The following FNDC1 variants were observed in gnomAD, a reference collection of about 807,000 sequenced individuals.
The protein encoded by FNDC1 is fibronectin type III domain containing 1, also known as fibronectin type III domain-containing protein 1.
Under a neutral mutation model 168.0 loss-of-function variants are expected in FNDC1, and 96 were observed. The ratio of observed to expected loss-of-function variants is 0.57; its 90% CI spans 0.48 to 0.68. FNDC1 has a LOEUF of 0.68. Among genes scored for constraint, FNDC1 ranks in the 30% least tolerant of loss-of-function variants. The pLI, the probability that FNDC1 is intolerant of heterozygous loss-of-function variation, is 0.00. For synonymous variants in FNDC1, 1,099 were observed against 1,025.9 expected (o/e 1.07, Z -1.36); for missense variants, 2,587 against 2,482.1 (o/e 1.04, Z -0.90).
Position 159,271,783 on chromosome 6 carries a change from G to T in FNDC1, c.*341G>T. 1 of 215,494 alleles carries T rather than the reference G, an allele frequency of 4.6e-6. No homozygotes were observed. The allele number at this position is 215,494 out of a possible 1,614,324, so 13.3% of individuals were successfully genotyped here. A position where few individuals can be genotyped will look rare whatever the true frequency, so the allele number is the denominator to read the frequency against. The stretch of plus-strand genomic sequence containing the variant: ...AATTCGGACACTTCAGTATTTCCAG[G>T]AATAGCATATGCACGCTGTTCTTGC... On this transcript the variant is annotated 3_prime_UTR_variant, in exon 23 of 23. Transcript: ENST00000297267.
rs145162479 is a variant in FNDC1 at position 159,269,530 on chromosome 6, C to T, written c.5569+1604C>T. Among the ~76,000 whole-genome samples, 1,084 of 148,202 alleles carry T rather than the reference C, an allele frequency of 7.3e-3. 18 individuals carry two copies. The highest frequency in any genetic ancestry group is 0.026 in the African/African-American group (1,025 of 40,168). ...TCCATCCATGCATCCATCCATCCAT[C>T]CATCCATCCATCCATCCATCCATCC... On this transcript the variant is annotated intron_variant, in intron 22 of 22. Transcript: ENST00000297267.
At chr6:159,236,688 T>G (rs1039924929) in intron 12 of FNDC1, among the ~76,000 whole-genome samples, 2 of 152,244 alleles carry the variant, frequency 1.3e-5, no homozygotes, top group South Asian at 2.1e-4. Flanking sequence ...GTTTTGTTTA[T>G]TGTTTGATTA....
chr6:159,216,935 C>A (rs1019414981), intron 5 of FNDC1, among the ~76,000 whole-genome samples: 2 of 152,146 alleles, frequency 1.3e-5, no homozygotes, highest in Non-Finnish European at 2.9e-5. Flanking sequence ...GGCCTCTTCC[C>A]TTATCTGGAG....
rs1782464370 is a variant in FNDC1, at chr6:159,205,329, C to T, written c.460+4748C>T. On this transcript the variant is annotated intron_variant, in intron 4 of 22. Transcript: ENST00000297267. Reference sequence around the variant, plus strand: ...AGACTTGTATTTTGGCCTTTTCTGTCAGTATTTCATCAAAATGAGCACCAA... The same window carrying T: ...AGACTTGTATTTTGGCCTTTTCTGTTAGTATTTCATCAAAATGAGCACCAA... 2.6e-5 allele frequency among the ~76,000 whole-genome samples: 4 copies of T among 152,274 alleles called. No individual in the cohort carries two copies. The South Asian group carries it at 8.3e-4, about 32-fold the overall frequency.
chr6:159,190,905 G>A (rs1018211301), intron 1 of FNDC1, among the ~76,000 whole-genome samples: 1 of 152,100 alleles, frequency 6.6e-6, no homozygotes, highest in Admixed American at 6.5e-5. Flanking sequence ...GTATCAGTTC[G>A]TTCTCACGCT....
intron 2 of FNDC1, among the ~76,000 whole-genome samples, chr6:159,199,741 T>TTACA (rs1196317657): frequency 6.6e-6 from 1 of 152,230 alleles, no homozygotes; most frequent in East Asian, 1.9e-4. Context: ...TCCAGGTTTA[T>TTACA]TACACATGGC....
intron 1 of FNDC1, among the ~76,000 whole-genome samples, chr6:159,174,260 C>T (rs1781718792): frequency 6.6e-6 from 1 of 152,232 alleles, no homozygotes; most frequent in Admixed American, 6.5e-5. Context: ...CTGTTTCATC[C>T]ATCTCTTTTA....
At chr6:159,250,256 T>G (rs1003390337) in intron 16 of FNDC1, among the ~76,000 whole-genome samples, 5 of 152,178 alleles carry the variant, frequency 3.3e-5, no homozygotes, top group Non-Finnish European at 7.3e-5. Flanking sequence ...TCAGACTAAT[T>G]TTTGGAAAAC....
intron 18 of FNDC1, among the ~76,000 whole-genome samples, chr6:159,257,249 G>A (rs571085732): frequency 9.2e-5 from 14 of 152,274 alleles, no homozygotes; most frequent in East Asian, 1.9e-4. Flanking sequence ...AATGACCCTC[G>A]GAAAGCTCCT....
chr6:159,176,231 A>G (rs947709911), intron 1 of FNDC1, among the ~76,000 whole-genome samples: 3 of 152,216 alleles, frequency 2.0e-5, no homozygotes, highest in African/African-American at 7.2e-5. Context: ...AGGGCCCCCC[A>G]GCTCTAACTT....
chr6:159,169,677 C>T lies in FNDC1; in HGVS notation c.81C>T (p.Leu27=). 1.7e-6 allele frequency: 2 copies of T among 1,163,100 alleles called. No individual in the cohort carries two copies. Among genetic ancestry groups the T allele is most frequent in the Non-Finnish European group, 2.1e-6 (2 of 944,330 alleles). 72.0% of individuals were successfully genotyped at this position (1,163,100 alleles called of 1,614,324 possible). A position where few individuals can be genotyped will look rare whatever the true frequency, so the allele number is the denominator to read the frequency against. ...CGCTGCTGCTCTTGGCCGCGCTGCTCCCCGTCGCCTCCTCGGCGGCGGCCT... is the reference window on the plus strand; with the variant it reads ...CGCTGCTGCTCTTGGCCGCGCTGCTTCCCGTCGCCTCCTCGGCGGCGGCCT... The part of the protein sequence containing the change: ...WAALLLLAAL[L]PVASSAAASV... The change falls in exon 1 of 23, where the codon CTC becomes CTT. Residue 27 remains leucine (L), a synonymous_variant. Transcript: ENST00000297267. This position sits in a 1 kb window ranked among gnomAD's most constrained non-coding sequence, Gnocchi z 6.8.
chr6:159,225,494 C>T (rs1389802908), intron 7 of FNDC1, 41 bp from the exon 8 acceptor site: 2 of 1,488,318 alleles, frequency 1.3e-6, no homozygotes, highest in East Asian at 2.3e-5. Flanking sequence ...TGTTGAGTGG[C>T]AGAGAATTTG....
chr6:159,219,063 C>T (rs2114972850), intron 5 of FNDC1, among the ~76,000 whole-genome samples: 1 of 145,134 alleles, frequency 6.9e-6, no homozygotes, highest in African/African-American at 2.6e-5. Context: ...TTTTTTGTGA[C>T]AGGGTCTTGC....
At chr6:159,256,493 C>A in intron 17 of FNDC1, 30 bp from the exon 18 acceptor site, 1 of 1,512,090 alleles carries the variant, frequency 6.6e-7, no homozygotes, top group South Asian at 1.1e-5. Context: ...TCCTTGGTGT[C>A]CATTGGGTTT....
chr6:159,233,092 G>T lies in FNDC1; in HGVS notation c.2580G>T (p.Arg860Ser). The change falls in exon 11 of 23, where the codon AGG becomes AGT. Residue 860 changes from arginine (R) to serine (S), a missense_variant. By Grantham distance (110) the Arg-to-Ser change is moderately radical. Coordinates refer to ENST00000297267, the MANE Select transcript of FNDC1 (RefSeq NM_032532.3). This position sits in a 1 kb window ranked among gnomAD's most constrained non-coding sequence, Gnocchi z 4.6. ...CTGTGCCCTCCCGAGCCCACCCCAG[G>T]GTTCCCTCTCACTCTGATTCCCACC... Reference protein sequence around the residue: ...QSTVPSRAHPRVPSHSDSHPK... With the variant: ...QSTVPSRAHPSVPSHSDSHPK... 1 of 1,603,714 alleles carries T rather than the reference G, an allele frequency of 6.2e-7. No homozygotes were observed. Among genetic ancestry groups the T allele is most frequent in the South Asian group, 1.1e-5 (1 of 88,844 alleles).
Position 159,239,859 on chromosome 6 carries a change from C to T in FNDC1, c.4523C>T (p.Pro1508Leu), listed in dbSNP as rs1419611013. The change falls in exon 14 of 23, where the codon CCC (proline) becomes CTC (leucine). Residue 1508 changes from proline to leucine, a missense_variant. Pro to Leu is a moderately conservative substitution (Grantham distance 98). Transcript: ENST00000297267. ...ACCACCACCCCCACACCCACCACTC[C>T]CATCCCCACCTGTCCCCCTGGGACC... is the stretch of plus-strand genomic sequence containing the variant. ...TTTTTPTPTTPIPTCPPGTLE... is the reference protein window; with the variant it reads ...TTTTTPTPTTLIPTCPPGTLE... The T allele has an allele frequency of 6.5e-7, 1 of 1,550,202 alleles. No individual in the cohort carries two copies. Among genetic ancestry groups the T allele is most frequent in the South Asian group, 1.2e-5 (1 of 83,780 alleles).
At chr6:159,245,432 T>C (rs80201011) in intron 14 of FNDC1, among the ~76,000 whole-genome samples, 3,249 of 152,248 alleles carry the variant, frequency 0.021, 122 homozygotes, top group African/African-American at 0.075. Context: ...GTTTAGAGAG[T>C]TCTATTTAAT....
intron 5 of FNDC1, among the ~76,000 whole-genome samples, chr6:159,220,720 G>A (rs1782805344): frequency 6.6e-6 from 1 of 152,174 alleles, no homozygotes; most frequent in Admixed American, 6.5e-5. Context: ...AATGGCCCCT[G>A]GTATACACTG....
intron 18 of FNDC1, among the ~76,000 whole-genome samples, chr6:159,260,017 C>T (rs571306799): frequency 2.2e-4 from 33 of 152,282 alleles, no homozygotes; most frequent in Admixed American, 5.2e-4. Flanking sequence ...AGGAATAATT[C>T]GCTTTTTAAA....
Sources: allele counts gnomAD v4.1 joint callset (sites outside exome capture counted in the v4.1 genomes callset), GRCh38; gene constraint gnomAD v4.1.1; non-coding constraint Gnocchi (gnomAD v3.1); transcripts MANE v1.5; gene names NCBI Gene and HGNC (gene_info 2026-07-23, HGNC 2026-07-21).